Variants in ADARB2 observed in about 807,000 individuals in gnomAD.
ADARB2 encodes inactive double-stranded RNA-specific editase B2.
In ADARB2, 25 loss-of-function variants were observed where a neutral mutation model predicts 62.2. That is an observed-to-expected ratio of 0.40 (90% confidence interval 0.29 to 0.56). ADARB2 has a LOEUF of 0.56. Among genes scored for constraint, ADARB2 ranks in the 20% least tolerant of loss-of-function variants. The pLI, the probability that ADARB2 is intolerant of heterozygous loss-of-function variation, is 0.43. For synonymous variants in ADARB2, 572 were observed against 500.8 expected, an observed-to-expected ratio of 1.14 and a Z score of -1.90; for missense variants, 1,071 against 1,077.4, an observed-to-expected ratio of 0.99 and a Z score of 0.08.
At chr10:1,365,413 G>C (rs777816756) in intron 2 of ADARB2, among the ~76,000 whole-genome samples, 1 of 151,994 alleles carries the variant, frequency 6.6e-6, no homozygotes, top group Non-Finnish European at 1.5e-5. Flanking sequence ...TTGAAATTAG[G>C]CCACTGAATA....
At position 1,679,312 on chromosome 10, in the gene ADARB2, G is replaced by A. The variant is rs555896225; in HGVS notation, c.100+57739C>T. Among the ~76,000 whole-genome samples, 7 of 152,088 alleles carry A rather than the reference G, an allele frequency of 4.6e-5. No homozygotes were observed. The South Asian group carries it at 1.3e-3, about 27-fold the overall frequency. On this transcript the variant is annotated intron_variant, in intron 1 of 9. Coordinates refer to ENST00000381312, the MANE Select transcript of ADARB2 (RefSeq NM_018702.4). ...CCTGGTTTGGGTGATAAATAATGTG[G>A]GCACCCTATTTAGAGGAGATCCTGT... is the stretch of plus-strand genomic sequence containing the variant.
chr10:1,305,529 A>G (rs1200237157), intron 3 of ADARB2, among the ~76,000 whole-genome samples: 158 of 151,408 alleles, frequency 1.0e-3, no homozygotes, highest in African/African-American at 3.3e-3. Context: ...AGAAAAAGAG[A>G]GAATCCTCCC....
intron 3 of ADARB2, among the ~76,000 whole-genome samples, chr10:1,328,031 A>G (rs1321256280): frequency 6.6e-6 from 1 of 151,986 alleles, no homozygotes; most frequent in Non-Finnish European, 1.5e-5. Flanking sequence ...CACGGATTGC[A>G]GGGAAGTTGC....
intron 1 of ADARB2, among the ~76,000 whole-genome samples, chr10:1,593,992 T>C (rs1833300600): frequency 6.6e-6 from 1 of 152,158 alleles, no homozygotes; most frequent in African/African-American, 2.4e-5. Context: ...ATGTACTGAC[T>C]TAAAAACAAG....
chr10:1,556,989 T>C, intron 1 of ADARB2: 1 of 387,488 alleles, frequency 2.6e-6, no homozygotes, highest in South Asian at 2.0e-5. Context: ...CCTCCAGGAA[T>C]CTTGTCCTGC....
intron 1 of ADARB2, among the ~76,000 whole-genome samples, chr10:1,421,565 G>A (rs1461525946): frequency 6.6e-6 from 1 of 151,982 alleles, no homozygotes; most frequent in Non-Finnish European, 1.5e-5. Context: ...CACTATCCTG[G>A]GCCCTGGGAC....
intron 1 of ADARB2, among the ~76,000 whole-genome samples, chr10:1,598,049 G>A (rs1484746784): frequency 6.6e-6 from 1 of 152,238 alleles, no homozygotes; most frequent in Non-Finnish European, 1.5e-5. Flanking sequence ...GTTCTGACTT[G>A]TAAGTAAGAG....
At chr10:1,625,246 G>T (rs181287116) in intron 1 of ADARB2, among the ~76,000 whole-genome samples, 1 of 152,320 alleles carries the variant, frequency 6.6e-6, no homozygotes, top group East Asian at 1.9e-4. Context: ...GCTGAGTCCA[G>T]GCCTGTGCGG....
intron 4 of ADARB2, among the ~76,000 whole-genome samples, chr10:1,246,790 C>T (rs1173778553): frequency 6.6e-6 from 1 of 150,842 alleles, no homozygotes; most frequent in Non-Finnish European, 1.5e-5. Context: ...CAGCCTTGTT[C>T]TTTTGGCTTA....
At chr10:1,578,826 C>T (rs888360342) in intron 1 of ADARB2, among the ~76,000 whole-genome samples, 3 of 152,154 alleles carry the variant, frequency 2.0e-5, no homozygotes, top group African/African-American at 7.2e-5. Flanking sequence ...CATATACACA[C>T]ACCTACAAAC....
chr10:1,413,521 A>G (rs1185713487), intron 1 of ADARB2, among the ~76,000 whole-genome samples: 1 of 152,218 alleles, frequency 6.6e-6, no homozygotes, highest in Non-Finnish European at 1.5e-5. Context: ...AAGTGCACAC[A>G]GCCTGTGTCG....
At chr10:1,736,563 G>A (rs1835302686) in intron 1 of ADARB2, among the ~76,000 whole-genome samples, 1 of 152,246 alleles carries the variant, frequency 6.6e-6, no homozygotes, top group Non-Finnish European at 1.5e-5. Flanking sequence ...ACCACATTGA[G>A]TAAAAACTGC....
At chr10:1,545,364 GT>G (rs1460552786) in intron 1 of ADARB2, among the ~76,000 whole-genome samples, 1 of 152,182 alleles carries the variant, frequency 6.6e-6, no homozygotes. Flanking sequence ...TAAAATCAGT[GT>G]GATCTGAACA....
At chr10:1,258,293 A>G (rs1346581821) in intron 4 of ADARB2, among the ~76,000 whole-genome samples, 1 of 152,204 alleles carries the variant, frequency 6.6e-6, no homozygotes, top group Admixed American at 6.5e-5. Flanking sequence ...GACAGGATCA[A>G]ATTCACACAT....
intron 1 of ADARB2, among the ~76,000 whole-genome samples, chr10:1,504,761 A>T (rs1448549133): frequency 6.6e-6 from 1 of 152,238 alleles, no homozygotes; most frequent in Non-Finnish European, 1.5e-5. Context: ...AAAAATTCTT[A>T]AAAAGTATTC....
chr10:1,735,826 C>T (rs1835293112), intron 1 of ADARB2, among the ~76,000 whole-genome samples: 1 of 152,200 alleles, frequency 6.6e-6, no homozygotes, highest in Non-Finnish European at 1.5e-5. Flanking sequence ...TGACTGTTTG[C>T]TATTGACATT....
In ADARB2 at chr10:1,737,215, G is replaced by GGCAGCC; in HGVS notation, c.-71_-66dup. On this transcript the variant is annotated 5_prime_UTR_variant, in exon 1 of 10. Coordinates refer to ENST00000381312, the MANE Select transcript of ADARB2 (RefSeq NM_018702.4). ...CTGCACCTGCACCTGCCTCCTTCCC[G>GGCAGCC]GCAGCCGCCGCCGCCGCTGCTGCGA... is the stretch of plus-strand genomic sequence containing the variant. The GGCAGCC allele has an allele frequency of 6.5e-7, 1 of 1,536,846 alleles. No homozygotes were observed. The highest frequency in any genetic ancestry group is 2.2e-5 in the East Asian group (1 of 44,488).
intron 3 of ADARB2, among the ~76,000 whole-genome samples, chr10:1,300,429 C>A (rs937444753): frequency 1.3e-5 from 2 of 152,176 alleles, no homozygotes; most frequent in Non-Finnish European, 2.9e-5. Context: ...CTTGGGGCAC[C>A]CCCACGCCTC....
intron 3 of ADARB2, among the ~76,000 whole-genome samples, chr10:1,275,267 G>A (rs778484140): frequency 7.2e-5 from 11 of 152,218 alleles, no homozygotes; most frequent in Admixed American, 5.2e-4. Context: ...CCCCTGGCTG[G>A]TAGAGATGGC....
Sources: allele counts gnomAD v4.1 joint callset (sites outside exome capture counted in the v4.1 genomes callset), GRCh38; gene constraint gnomAD v4.1.1; transcripts MANE v1.5; gene names NCBI Gene and HGNC (gene_info 2026-07-23, HGNC 2026-07-21).